The following SLC18A1 variants were observed in gnomAD, a reference collection of about 807,000 sequenced individuals.
The protein encoded by SLC18A1 is chromaffin granule amine transporter.
Under a neutral mutation model 53.7 loss-of-function variants are expected in SLC18A1, and 69 were observed. The ratio of observed to expected loss-of-function variants is 1.28; its 90% confidence interval spans 1.06 to 1.57. The LOEUF is 1.57. Among genes scored for constraint, SLC18A1 ranks in the 40% most tolerant of loss-of-function variants. The pLI is 0.00. For synonymous variants in SLC18A1, 320 were observed against 248.1 expected (o/e 1.29, Z -2.72); for missense variants, 932 against 668.1 (o/e 1.40, Z -4.35).
chr8:20,152,449 T>C (rs553287927), intron 10 of SLC18A1, among the ~76,000 whole-genome samples: 9 of 152,162 alleles, frequency 5.9e-5, no homozygotes, highest in African/African-American at 2.2e-4. Flanking sequence ...GTGAACAAAA[T>C]GGTAGGTTTT....
chr8:20,155,770 G>C (rs1481778050), intron 10 of SLC18A1, among the ~76,000 whole-genome samples: 1 of 152,110 alleles, frequency 6.6e-6, no homozygotes, highest in Admixed American at 6.5e-5. Flanking sequence ...TATCTCCAAA[G>C]GGGATCTAAG....
At position 20,183,058 on chromosome 8, in the gene SLC18A1, C is replaced by A. The variant is rs1315408955; in HGVS notation, c.-124+5G>T. 6.6e-6 allele frequency: 1 copy of A among 152,296 alleles called. No homozygotes were observed. The highest frequency in any genetic ancestry group is 1.9e-4 in the East Asian group (1 of 5,184). 9.4% of individuals were successfully genotyped at this position (152,296 alleles called of 1,614,324 possible). ...TAAATTTGTCCGGAGAGAGAAAAAT[C>A]TTACCTTGGAGCCCATGTTGGTGTG... On this transcript the variant is annotated splice_donor_5th_base_variant and intron_variant, in intron 1 of 15. Coordinates refer to ENST00000276373, the MANE Select transcript of SLC18A1 (RefSeq NM_003053.4).
At chr8:20,165,769 T>C (rs539659614) in intron 8 of SLC18A1, among the ~76,000 whole-genome samples, 3 of 152,162 alleles carry the variant, frequency 2.0e-5, no homozygotes, top group Non-Finnish European at 2.9e-5. Context: ...AGCTTCTCCA[T>C]AGTTCCATGT....
At chr8:20,163,747 T>C (rs1266695669) in intron 10 of SLC18A1, among the ~76,000 whole-genome samples, 2 of 152,212 alleles carry the variant, frequency 1.3e-5, no homozygotes, top group Non-Finnish European at 2.9e-5. Context: ...CTGATGTAGT[T>C]GTTGGACAAC....
chr8:20,180,519 T>C (rs1563777214), intron 2 of SLC18A1, among the ~76,000 whole-genome samples: 1 of 152,142 alleles, frequency 6.6e-6, no homozygotes, highest in Non-Finnish European at 1.5e-5. Context: ...TCAGAGGCAC[T>C]TGGAGTCATT....
At chr8:20,174,311 T>A (rs373449064) in intron 5 of SLC18A1, 50 bp downstream of exon 5, 2 of 1,211,682 alleles carry the variant, frequency 1.7e-6, no homozygotes, top group African/African-American at 3.0e-5. Context: ...AAGAGATGTG[T>A]GTGTGTGCAT....
At chr8:20,158,925 C>T (rs955582375) in intron 10 of SLC18A1, among the ~76,000 whole-genome samples, 1 of 152,112 alleles carries the variant, frequency 6.6e-6, no homozygotes, top group African/African-American at 2.4e-5. Context: ...TATTTAATAC[C>T]ACCCTCACTA....
At chr8:20,169,586 GA>G (rs2072058497) in intron 8 of SLC18A1, among the ~76,000 whole-genome samples, 1 of 152,136 alleles carries the variant, frequency 6.6e-6, no homozygotes. Context: ...TTGTTAGAAA[GA>G]GAGAGAATGG....
chr8:20,157,282 C>G lies in SLC18A1; in HGVS notation c.1016-6538G>C, dbSNP rs191021641. Among the ~76,000 whole-genome samples the G allele has an allele frequency of 2.8e-3, 424 of 152,262 alleles. 2 individuals are homozygous for G. Among genetic ancestry groups the G allele is most frequent in the African/African-American group, 9.1e-3 (380 of 41,556 alleles). On this transcript the variant is annotated intron_variant, in intron 10 of 15. Coordinates refer to ENST00000276373, the MANE Select transcript of SLC18A1 (RefSeq NM_003053.4). Reference sequence around the variant, plus strand: ...ATGTTACTGCTAGATCAGACACTAACCCCAAATGAAAGAAGGGCAGCTATA... The same window carrying G: ...ATGTTACTGCTAGATCAGACACTAAGCCCAAATGAAAGAAGGGCAGCTATA...
At chr8:20,147,848 G>A in intron 13 of SLC18A1, 126 bp from the exon 14 acceptor site, 1 of 1,482,698 alleles carries the variant, frequency 6.7e-7, no homozygotes, top group African/African-American at 1.4e-5. Flanking sequence ...CCTGTTCCAG[G>A]TGGGAATTAC....
intron 10 of SLC18A1, among the ~76,000 whole-genome samples, chr8:20,151,202 A>C (rs2071546327): frequency 1.4e-5 from 2 of 147,272 alleles, no homozygotes; most frequent in East Asian, 2.1e-4. Context: ...GAGTCTCGTC[A>C]TGTTGCCCAG....
rs377140098 is a variant in SLC18A1 at position 20,166,024 on chromosome 8, C to A, written c.859-917G>T. On this transcript the variant is annotated intron_variant, in intron 8 of 15. Transcript: ENST00000276373. Reference sequence around the variant, plus strand: ...AAAACTAAAGAGATCATTCGCTTACCCAATTATTATTCGAAGTAAAGAAAC... The same window carrying A: ...AAAACTAAAGAGATCATTCGCTTACACAATTATTATTCGAAGTAAAGAAAC... Among the ~76,000 whole-genome samples the A allele has an allele frequency of 6.6e-5, 10 of 151,942 alleles. No homozygotes were observed. In the South Asian group the frequency reaches 1.9e-3, roughly 28 times the overall value.
intron 6 of SLC18A1, among the ~76,000 whole-genome samples, 186 bp from the exon 7 acceptor site, chr8:20,171,680 A>C (rs2072120893): frequency 7.1e-6 from 1 of 139,890 alleles, no homozygotes; most frequent in Non-Finnish European, 1.5e-5. Context: ...CTAGTGGAGG[A>C]AGTGTGTGTG....
chr8:20,178,541 A>G (rs780741985), intron 3 of SLC18A1, 48 bp from the exon 4 acceptor site: 50 of 1,334,966 alleles, frequency 3.7e-5, no homozygotes, highest in Non-Finnish European at 5.2e-5. Flanking sequence ...ACAGGCACTC[A>G]CATACATGGA....
Position 20,148,039 on chromosome 8 carries a change from A to T in SLC18A1, c.1178T>A (p.Ile393Asn). Residue 393 changes from isoleucine to asparagine, a missense_variant, in exon 13 of 16, where the codon ATT becomes AAT. Ile to Asn is a moderately radical substitution (Grantham distance 149). Coordinates refer to ENST00000276373, the MANE Select transcript of SLC18A1 (RefSeq NM_003053.4). ...VPLAHNIFGL[I>N]GPNAGLGLAI... The stretch of plus-strand genomic sequence containing the variant: ...AAGGCCAAGCCCTGCATTGGGGCCA[A>T]TGAGACCAAAAATATTGTGAGCCAG... The T allele has an allele frequency of 1.9e-6, 3 of 1,614,150 alleles. No individual in the cohort carries two copies. Among genetic ancestry groups the T allele is most frequent in the Non-Finnish European group, 2.5e-6 (3 of 1,179,996 alleles).
At chr8:20,166,427 A>C (rs1055239503) in intron 8 of SLC18A1, among the ~76,000 whole-genome samples, 4 of 150,796 alleles carry the variant, frequency 2.7e-5, no homozygotes, top group African/African-American at 9.7e-5. Context: ...CGCAAAAAAA[A>C]GAATACATAG....
chr8:20,177,939 A>G (rs888469216), intron 4 of SLC18A1, among the ~76,000 whole-genome samples: 6 of 152,186 alleles, frequency 3.9e-5, no homozygotes, highest in Non-Finnish European at 7.3e-5. Context: ...TTACTTTTCT[A>G]AGCTTAACCT....
intron 8 of SLC18A1, among the ~76,000 whole-genome samples, chr8:20,167,252 T>A (rs2071992135): frequency 6.6e-6 from 1 of 152,090 alleles, no homozygotes; most frequent in Admixed American, 6.6e-5. Context: ...AGATACAGTA[T>A]TTGGCTATAT....
At position 20,179,492 on chromosome 8, in the gene SLC18A1, T is replaced by C. The variant is rs1443807194; in HGVS notation, c.125-8A>G. The C allele has an allele frequency of 4.4e-6, 7 of 1,603,734 alleles. No individual in the cohort carries two copies. Among genetic ancestry groups the C allele is most frequent in the African/African-American group, 2.7e-5 (2 of 74,700 alleles). On this transcript the variant is annotated splice_region_variant and splice_polypyrimidine_tract_variant and intron_variant, in intron 2 of 15. Transcript: ENST00000276373. Reference sequence around the variant, plus strand: ...AGGTGGGCACAATTGGCACTGAAAGTCAAAGAGGACAGGTGATGGGGGCTA... The same window carrying C: ...AGGTGGGCACAATTGGCACTGAAAGCCAAAGAGGACAGGTGATGGGGGCTA...
Sources: allele counts gnomAD v4.1 joint callset (sites outside exome capture counted in the v4.1 genomes callset), GRCh38; gene constraint gnomAD v4.1.1; transcripts MANE v1.5; gene names NCBI Gene and HGNC (gene_info 2026-07-23, HGNC 2026-07-21).